ACCSL: variants seen among roughly 807,000 people sequenced by gnomAD.
ACCSL encodes 1-aminocyclopropane-1-carboxylate synthase homolog (inactive) like.
ACCSL carries 55 observed loss-of-function variants against 61.7 expected under a neutral mutation model. That is an observed-to-expected ratio of 0.89 (90% CI 0.72 to 1.12). The LOEUF (loss-of-function observed/expected upper bound fraction) is 1.12, where lower values mean the gene tolerates loss of function less well. Among genes scored for constraint, ACCSL ranks in the 50% most tolerant of loss-of-function variants. ACCSL has a pLI of 0.00. For synonymous variants in ACCSL, 258 were observed against 264.3 expected (o/e 0.98, Z 0.23); for missense variants, 632 against 698.0 (o/e 0.91, Z 1.07).
chr11:43,964,436 CAAA>C, the ACCSL span, among the ~76,000 whole-genome samples: 5 of 77,136 alleles, frequency 6.5e-5, no homozygotes, highest in African/African-American at 9.2e-5. Context: ...GACATTGTCT[CAAA>C]AAAAAAAAAA....
the ACCSL span, among the ~76,000 whole-genome samples, chr11:43,954,543 T>C: frequency 4.6e-5 from 7 of 152,098 alleles, no homozygotes; most frequent in African/African-American, 1.7e-4. Flanking sequence ...GCAGATGGGT[T>C]CTCTACCTGG....
rs763490870 is a variant in ACCSL at position 44,048,106 on chromosome 11, A to C, written c.70A>C (p.Ser24Arg). 6.2e-7 allele frequency: 1 copy of C among 1,614,202 alleles called. No homozygotes were observed. The highest frequency in any genetic ancestry group is 2.2e-5 in the East Asian group (1 of 44,880). ...GAGAGGCCGGGTCCCCAGAGACCAC[A>C]GCATCTATACCCAGCTGTTGGAGAT... is the stretch of plus-strand genomic sequence containing the variant. ...QRRGRVPRDH[S>R]IYTQLLEITL... The change falls in exon 1 of 14, where the codon AGC (serine) becomes CGC (arginine). Residue 24 changes from serine (S) to arginine (R), a missense_variant. By Grantham distance (110) the Ser-to-Arg change is moderately radical. Coordinates refer to ENST00000378832, the MANE Select transcript of ACCSL (RefSeq NM_001031854.2).
At chr11:43,954,589 T>C in the ACCSL span, among the ~76,000 whole-genome samples, 1 of 42,042 alleles carries the variant, frequency 2.4e-5, no homozygotes, top group Non-Finnish European at 5.1e-5. Flanking sequence ...TCTTTCTTTC[T>C]TTTTTTTTTT....
At chr11:43,986,295 C>G in the ACCSL span, among the ~76,000 whole-genome samples, 673 of 129,720 alleles carry the variant, frequency 5.2e-3, 10 homozygotes, top group African/African-American at 0.018. Flanking sequence ...TCTTTTTCTC[C>G]CACCCCACCC....
chr11:43,988,516 T>C, the ACCSL span, among the ~76,000 whole-genome samples: 2 of 130,208 alleles, frequency 1.5e-5, no homozygotes, highest in African/African-American at 5.9e-5. Context: ...CTCGGTGGCG[T>C]AGATGCAGTG....
chr11:44,000,265 C>T, the ACCSL span, among the ~76,000 whole-genome samples: 66,827 of 151,668 alleles, frequency 0.44, 15,293 homozygotes, highest in Middle Eastern at 0.56. Flanking sequence ...GCTGGGATTA[C>T]AGGCATGCAC....
chr11:43,939,406 G>A, the ACCSL span, among the ~76,000 whole-genome samples: 6 of 152,230 alleles, frequency 3.9e-5, no homozygotes, highest in East Asian at 1.9e-4. Context: ...TGGTTTTAAG[G>A]TTATAGAAAT....
At chr11:43,999,949 T>C in the ACCSL span, among the ~76,000 whole-genome samples, 7 of 152,032 alleles carry the variant, frequency 4.6e-5, no homozygotes, top group East Asian at 1.2e-3. Flanking sequence ...ATTTACATTG[T>C]ATTAGGTGTT....
At chr11:43,935,185 C>T in the ACCSL span, among the ~76,000 whole-genome samples, 8 of 152,208 alleles carry the variant, frequency 5.3e-5, no homozygotes, top group South Asian at 2.1e-4. Context: ...CCTTGCTTCC[C>T]GGATGGGGGA....
At chr11:43,937,692 C>T in the ACCSL span, among the ~76,000 whole-genome samples, 1 of 151,994 alleles carries the variant, frequency 6.6e-6, no homozygotes, top group African/African-American at 2.4e-5. Context: ...GCCACCTCCA[C>T]CCCTCACCTC....
the ACCSL span, among the ~76,000 whole-genome samples, chr11:44,039,817 C>T: frequency 3.3e-5 from 5 of 152,234 alleles, no homozygotes; most frequent in Non-Finnish European, 7.3e-5. Flanking sequence ...CTGCCTTGGC[C>T]TTGCTTCTGT....
chr11:44,055,256 A>G lies in ACCSL; in HGVS notation c.1104A>G (p.Glu368=), dbSNP rs1185716654. The change falls in exon 9 of 14, where the codon GAA becomes GAG. Residue 368 remains glutamate, a synonymous_variant. Coordinates refer to ENST00000378832, the MANE Select transcript of ACCSL (RefSeq NM_001031854.2). The part of the protein sequence containing the change: ...DEIYMLSVFD[E]SITFHSILSM... ...TTTACATGCTGTCTGTGTTTGATGAATCCATCACATTCCACAGCATTCTGA... is the reference window on the plus strand; with the variant it reads ...TTTACATGCTGTCTGTGTTTGATGAGTCCATCACATTCCACAGCATTCTGA... 1 of 1,612,956 alleles carries G rather than the reference A, an allele frequency of 6.2e-7. No homozygotes were observed. The highest frequency in any genetic ancestry group is 8.5e-7 in the Non-Finnish European group (1 of 1,179,136).
At chr11:43,969,793 C>T in the ACCSL span, among the ~76,000 whole-genome samples, 1 of 152,294 alleles carries the variant, frequency 6.6e-6, no homozygotes, top group Admixed American at 6.5e-5. Context: ...TATTTCCTCC[C>T]TCACTGGAAA....
chr11:43,939,035 T>C, the ACCSL span, among the ~76,000 whole-genome samples: 1 of 152,214 alleles, frequency 6.6e-6, no homozygotes, highest in African/African-American at 2.4e-5. Flanking sequence ...ACACCAGTTT[T>C]CTGAATTCTC....
the ACCSL span, among the ~76,000 whole-genome samples, chr11:43,997,656 A>G: frequency 1.3e-5 from 2 of 152,224 alleles, no homozygotes; most frequent in Non-Finnish European, 2.9e-5. Context: ...TGTGTGAAAC[A>G]CCTTGAGATA....
chr11:43,957,572 T>C, the ACCSL span, among the ~76,000 whole-genome samples: 5 of 152,126 alleles, frequency 3.3e-5, no homozygotes, highest in Non-Finnish European at 5.9e-5. Flanking sequence ...GGAAGGAGAT[T>C]CTCTATAGAT....
chr11:43,922,181 C>A, the ACCSL span: 1 of 152,204 alleles, frequency 6.6e-6, no homozygotes, highest in African/African-American at 2.4e-5. Flanking sequence ...GTCCTAGGAG[C>A]TTTTATACAT....
chr11:43,979,056 G>C, the ACCSL span, among the ~76,000 whole-genome samples: 1 of 152,074 alleles, frequency 6.6e-6, no homozygotes, highest in Non-Finnish European at 1.5e-5. Flanking sequence ...GGGTCAGAGA[G>C]GTCCCTTCAT....
chr11:43,977,387 G>A, the ACCSL span, among the ~76,000 whole-genome samples: 1 of 152,192 alleles, frequency 6.6e-6, no homozygotes. Context: ...GGATGAGAAG[G>A]TTGAAGAGTG....
Sources: gnomAD v4.1 joint callset for allele counts (sites outside exome capture counted in the v4.1 genomes callset) on GRCh38, gnomAD v4.1.1 for gene constraint, MANE v1.5 for transcripts, NCBI Gene and HGNC (gene_info 2026-07-23, HGNC 2026-07-21) for gene names.